SCAPER: variants seen among roughly 807,000 people sequenced by gnomAD.
SCAPER encodes the protein S phase cyclin A-associated protein in the endoplasmic reticulum.
In SCAPER, 98 loss-of-function variants were observed where a neutral mutation model predicts 182.2. The ratio of observed to expected loss-of-function variants is 0.54; its 90% confidence interval spans 0.46 to 0.64. The LOEUF is 0.64. Ranked by LOEUF, SCAPER falls within the 30% of genes least tolerant of loss-of-function variation. The pLI, the probability that SCAPER is intolerant of heterozygous loss-of-function variation, is 0.00. For missense variants in SCAPER, 1,432 were observed against 1,690.0 expected (o/e 0.85, Z 2.68); for synonymous variants, 605 against 564.6 (o/e 1.07, Z -1.01).
intron 29 of SCAPER, among the ~76,000 whole-genome samples, chr15:76,355,470 A>G (rs1036882753): frequency 1.3e-5 from 2 of 152,198 alleles, no homozygotes; most frequent in Non-Finnish European, 2.9e-5. Context: ...TATTTTAACT[A>G]TTAGCTGCAA....
chr15:76,578,185 T>C (rs1475793527), intron 22 of SCAPER, among the ~76,000 whole-genome samples: 3 of 152,090 alleles, frequency 2.0e-5, no homozygotes, highest in African/African-American at 4.8e-5. Context: ...TCAACCACAG[T>C]AGAACACAGC....
At chr15:76,612,375 T>G (rs754391532) in intron 22 of SCAPER, among the ~76,000 whole-genome samples, 6 of 152,174 alleles carry the variant, frequency 3.9e-5, no homozygotes, top group African/African-American at 7.2e-5. Context: ...GTAGCTGAAC[T>G]ACAGGTGAAA....
At chr15:76,451,347 A>G (rs990124887) in intron 25 of SCAPER, among the ~76,000 whole-genome samples, 3 of 152,158 alleles carry the variant, frequency 2.0e-5, no homozygotes, top group Admixed American at 6.5e-5. Flanking sequence ...TTTTGTAGAG[A>G]AATGTTTTTC....
intron 5 of SCAPER, among the ~76,000 whole-genome samples, chr15:76,827,564 A>C (rs1402045517): frequency 6.6e-6 from 1 of 152,200 alleles, no homozygotes; most frequent in Non-Finnish European, 1.5e-5. Flanking sequence ...AAAAGAAAAA[A>C]ACTAGAGGAG....
intron 23 of SCAPER, among the ~76,000 whole-genome samples, chr15:76,540,627 T>A (rs576698601): frequency 6.4e-4 from 98 of 152,226 alleles, no homozygotes; most frequent in Non-Finnish European, 1.2e-3. Flanking sequence ...AAAATTGTTA[T>A]GTCTGAGGAG....
chr15:76,613,423 G>A (rs1379939458), intron 22 of SCAPER, among the ~76,000 whole-genome samples: 1 of 152,160 alleles, frequency 6.6e-6, no homozygotes, highest in Non-Finnish European at 1.5e-5. Context: ...CTGACAAATG[G>A]TATCTCATTA....
intron 21 of SCAPER, among the ~76,000 whole-genome samples, chr15:76,624,001 C>T (rs1025393025): frequency 1.3e-5 from 2 of 152,188 alleles, no homozygotes; most frequent in Admixed American, 6.5e-5. Context: ...AGGAACAACA[C>T]AAGGATGTCC....
intron 29 of SCAPER, 85 bp downstream of exon 29, chr15:76,376,077 C>G: frequency 6.5e-7 from 1 of 1,539,520 alleles, no homozygotes; most frequent in Non-Finnish European, 8.8e-7. Context: ...TGGGTTCCAG[C>G]CCGCTAGCCT....
At chr15:76,463,024 T>G (rs2049313432) in intron 25 of SCAPER, among the ~76,000 whole-genome samples, 1 of 152,136 alleles carries the variant, frequency 6.6e-6, no homozygotes, top group African/African-American at 2.4e-5. Flanking sequence ...ACGAGTGGAC[T>G]GAAATAGACT....
At chr15:76,480,588 C>T (rs1351020296) in intron 24 of SCAPER, among the ~76,000 whole-genome samples, 3 of 152,218 alleles carry the variant, frequency 2.0e-5, no homozygotes, top group Admixed American at 6.5e-5. Flanking sequence ...TTCATTCTGT[C>T]GGGACCCCTC....
chr15:76,755,373 A>AC (rs1288583348), intron 14 of SCAPER, among the ~76,000 whole-genome samples: 2 of 152,206 alleles, frequency 1.3e-5, no homozygotes, highest in African/African-American at 4.8e-5. Flanking sequence ...ATCGTGTGCT[A>AC]CCTAACGCAT....
intron 2 of SCAPER, among the ~76,000 whole-genome samples, chr15:76,880,629 G>C (rs991096162): frequency 1.3e-5 from 2 of 151,422 alleles, no homozygotes; most frequent in African/African-American, 4.9e-5. Flanking sequence ...TTACCTGCTA[G>C]AGTTTTAAAA....
chr15:76,432,946 C>T (rs2046962466), intron 26 of SCAPER, among the ~76,000 whole-genome samples: 1 of 152,318 alleles, frequency 6.6e-6, no homozygotes, highest in East Asian at 1.9e-4. Context: ...GCTGCAAAGC[C>T]TCTACTACAA....
At chr15:76,696,088 GA>G (rs2058643924) in intron 20 of SCAPER, among the ~76,000 whole-genome samples, 1 of 152,144 alleles carries the variant, frequency 6.6e-6, no homozygotes, top group Non-Finnish European at 1.5e-5. Flanking sequence ...AAATGACAGT[GA>G]ATACTTCTTC....
At chr15:76,650,848 C>G (rs1018203736) in intron 21 of SCAPER, among the ~76,000 whole-genome samples, 1 of 151,790 alleles carries the variant, frequency 6.6e-6, no homozygotes, top group Non-Finnish European at 1.5e-5. Context: ...AAAATTAAAT[C>G]AACACTTAAA....
intron 5 of SCAPER, among the ~76,000 whole-genome samples, chr15:76,838,480 T>C (rs2069150062): frequency 6.6e-6 from 1 of 152,170 alleles, no homozygotes; most frequent in African/African-American, 2.4e-5. Flanking sequence ...TCTATGCCTA[T>C]GCTCCTTCCC....
intron 24 of SCAPER, among the ~76,000 whole-genome samples, chr15:76,495,301 G>C (rs1465853131): frequency 6.6e-6 from 1 of 152,126 alleles, no homozygotes; most frequent in Non-Finnish European, 1.5e-5. Flanking sequence ...ATGCAGACCA[G>C]GCATGGTGGC....
intron 1 of SCAPER, among the ~76,000 whole-genome samples, chr15:76,901,731 T>C (rs936578410): frequency 9.2e-5 from 14 of 152,202 alleles, no homozygotes; most frequent in African/African-American, 3.4e-4. Context: ...TAATTTTTTT[T>C]TTTTTTGAGA....
At chr15:76,468,718 T>C (rs1440574807) in intron 25 of SCAPER, among the ~76,000 whole-genome samples, 1 of 152,160 alleles carries the variant, frequency 6.6e-6, no homozygotes, top group East Asian at 1.9e-4. Flanking sequence ...TCATTTACTG[T>C]ATGTACTAGG....
Sources: allele counts gnomAD v4.1 joint callset (sites outside exome capture counted in the v4.1 genomes callset), GRCh38; gene constraint gnomAD v4.1.1; transcripts MANE v1.5; gene names NCBI Gene and HGNC (gene_info 2026-07-23, HGNC 2026-07-21).